ABCG5: variants seen among roughly 807,000 people sequenced by gnomAD.
ABCG5 encodes the protein ATP binding cassette subfamily G member 5.
ABCG5 carries 64 observed loss-of-function variants against 64.5 expected under a neutral mutation model. That is an observed-to-expected ratio of 0.99 (90% CI 0.81 to 1.22). The LOEUF is 1.22. ABCG5 is among the 50% of genes most tolerant of loss of function. The pLI is 0.00. For synonymous variants in ABCG5, 385 were observed against 326.3 expected (o/e 1.18, Z -1.94); for missense variants, 908 against 829.5 (o/e 1.09, Z -1.16).
intron 11 of ABCG5, among the ~76,000 whole-genome samples, chr2:43,818,898 A>C (rs1167340481): frequency 6.6e-6 from 1 of 152,162 alleles, no homozygotes; most frequent in Non-Finnish European, 1.5e-5. Flanking sequence ...TGAGGAAACT[A>C]ATTTAGATAG....
At chr2:43,826,148 C>G (rs999391738) in intron 6 of ABCG5, among the ~76,000 whole-genome samples, 11 of 151,386 alleles carry the variant, frequency 7.3e-5, no homozygotes, top group African/African-American at 2.4e-4. Context: ...GCTAATTTTT[C>G]TTTTTCTTTC....
chr2:43,813,741 A>G (rs1572737333), intron 12 of ABCG5, among the ~76,000 whole-genome samples: 2 of 84,202 alleles, frequency 2.4e-5, no homozygotes, highest in South Asian at 3.7e-4. Context: ...TTTTTGAGAC[A>G]CAGTTTCACT....
At chr2:43,818,852 C>G (rs1667013618) in intron 11 of ABCG5, among the ~76,000 whole-genome samples, 1 of 152,112 alleles carries the variant, frequency 6.6e-6, no homozygotes, top group Non-Finnish European at 1.5e-5. Flanking sequence ...TCCCTTGAGG[C>G]AGGTGGGGCT....
intron 2 of ABCG5, among the ~76,000 whole-genome samples, chr2:43,834,516 T>C (rs768662164): frequency 2.0e-5 from 3 of 152,220 alleles, no homozygotes; most frequent in Non-Finnish European, 4.4e-5. Context: ...CTTTTTTTTT[T>C]ATAATAATGA....
chr2:43,832,214 T>A, intron 2 of ABCG5, 131 bp from the exon 3 acceptor site: 1 of 1,299,860 alleles, frequency 7.7e-7, no homozygotes, highest in Non-Finnish European at 1.1e-6. Context: ...TTCTAGGTGT[T>A]AAGGACACAG....
At chr2:43,809,266 A>G (rs987429161), downstream of ABCG5, among the ~76,000 whole-genome samples, 1 of 152,152 alleles carries the variant, frequency 6.6e-6, no homozygotes, top group Non-Finnish European at 1.5e-5. Context: ...TGCTGGGACT[A>G]TAGGAATGAG....
At chr2:43,820,210 T>C in intron 10 of ABCG5, 110 bp from the exon 11 acceptor site, 1 of 1,330,770 alleles carries the variant, frequency 7.5e-7, no homozygotes, top group Non-Finnish European at 1.1e-6. Context: ...GGGAGAAGTT[T>C]GCAGGGCAAG....
Position 43,812,777 on chromosome 2 carries a change from T to G in ABCG5, c.*339A>C, listed in dbSNP as rs1487474986. On this transcript the variant is annotated 3_prime_UTR_variant, in exon 13 of 13. Transcript: ENST00000405322. Reference sequence around the variant, plus strand: ...ATCCTTTATCCAATGTAAACATATTTTTAAGCTGACCTATTTTTTTCTGTG... The same window carrying G: ...ATCCTTTATCCAATGTAAACATATTGTTAAGCTGACCTATTTTTTTCTGTG... 1 of 265,584 alleles carries G rather than the reference T, an allele frequency of 3.8e-6. No homozygotes were observed. The highest frequency in any genetic ancestry group is 7.3e-6 in the Non-Finnish European group (1 of 137,808). 16.5% of individuals were successfully genotyped at this position (265,584 alleles called of 1,614,324 possible).
intron 2 of ABCG5, among the ~76,000 whole-genome samples, chr2:43,836,776 G>A (rs1230730070): frequency 1.3e-5 from 2 of 152,110 alleles, no homozygotes; most frequent in Non-Finnish European, 2.9e-5. Context: ...TGTGGAGAAC[G>A]GGCAGTGGAT....
chr2:43,824,249 C>G lies in ABCG5; in HGVS notation c.1088G>C (p.Gly363Ala). 1 of 1,614,178 alleles carries G rather than the reference C, an allele frequency of 6.2e-7. No individual in the cohort carries two copies. The highest frequency in any genetic ancestry group is 8.5e-7 in the Non-Finnish European group (1 of 1,180,046). ...GAGAACACCCAGTTTAGAGAAAACT[C>G]CAGGAGAATCTTTGGTTTTGAAAGG... ...MVPFKTKDSP[G>A]VFSKLGVLLR... Residue 363 changes from glycine (G) to alanine (A), a missense_variant, in exon 8 of 13, where the codon GGA becomes GCA. Gly to Ala is a moderately conservative substitution (Grantham distance 60, BLOSUM62 0). Coordinates refer to ENST00000405322, the MANE Select transcript of ABCG5 (RefSeq NM_022436.3).
At chr2:43,824,835 A>T in intron 7 of ABCG5, 54 bp downstream of exon 7, 3 of 1,603,560 alleles carry the variant, frequency 1.9e-6, no homozygotes, top group South Asian at 2.2e-5. Context: ...CAGAAGTCTG[A>T]GATGAGAAAG....
At chr2:43,813,386 T>G (rs1666587644) in intron 12 of ABCG5, 77 bp from the exon 13 acceptor site, 2 of 1,012,160 alleles carry the variant, frequency 2.0e-6, no homozygotes, top group East Asian at 2.5e-5. Flanking sequence ...ACCAAGCGCT[T>G]GCTAAGTACC....
intron 2 of ABCG5, among the ~76,000 whole-genome samples, chr2:43,836,848 G>C (rs997808855): frequency 6.6e-6 from 1 of 152,098 alleles, no homozygotes; most frequent in Non-Finnish European, 1.5e-5. Flanking sequence ...GGGAAACATA[G>C]CAAGAACGCT....
chr2:43,817,024 T>C (rs1572746807), intron 11 of ABCG5, among the ~76,000 whole-genome samples: 2 of 152,290 alleles, frequency 1.3e-5, no homozygotes, highest in Non-Finnish European at 2.9e-5. Flanking sequence ...AGATGATGAC[T>C]GGGGAGAAAA....
intron 5 of ABCG5, among the ~76,000 whole-genome samples, chr2:43,826,935 C>G (rs1380047604): frequency 6.6e-6 from 1 of 152,134 alleles, no homozygotes; most frequent in Non-Finnish European, 1.5e-5. Context: ...GGTCTTTGCA[C>G]AGAAAAGAAA....
rs761349099 is a variant in ABCG5 at position 43,814,441 on chromosome 2, A to G, written c.1762+36T>C. On this transcript the variant is annotated intron_variant, in intron 12 of 12. Transcript: ENST00000405322. ...TCCAAGAAATTGCTTCCTCAGAGTAACATGCAAAAATAATATCCCCAAATA... is the reference window on the plus strand; with the variant it reads ...TCCAAGAAATTGCTTCCTCAGAGTAGCATGCAAAAATAATATCCCCAAATA... 2.2e-6 allele frequency: 3 copies of G among 1,369,074 alleles called. No homozygotes were observed. The Admixed American group carries it at 5.0e-5, about 23-fold the overall frequency. 84.8% of individuals were successfully genotyped at this position (1,369,074 alleles called of 1,614,324 possible). A position where few individuals can be genotyped will look rare whatever the true frequency, so the allele number is the denominator to read the frequency against.
rs527775338 is a variant in ABCG5 at position 43,821,686 on chromosome 2, C to T, written c.1463+1111G>A. On this transcript the variant is annotated intron_variant, in intron 10 of 12. Coordinates refer to ENST00000405322, the MANE Select transcript of ABCG5 (RefSeq NM_022436.3). ...CACTTTGCCTCAGCTGGCCCCTGGA[C>T]CCCTAAGATTTCCTTGTTGTGTCTT... Among the ~76,000 whole-genome samples the T allele has an allele frequency of 2.6e-5, 4 of 152,234 alleles. No homozygotes were observed. In the South Asian group the frequency reaches 8.3e-4, roughly 32 times the overall value.
chr2:43,837,460 A>C (rs1425960015), intron 2 of ABCG5, among the ~76,000 whole-genome samples: 2 of 152,206 alleles, frequency 1.3e-5, no homozygotes, highest in African/African-American at 4.8e-5. Context: ...ATATACCATC[A>C]TAAAAAAGCA....
downstream of ABCG5, chr2:43,812,380 C>T (rs1442396900): frequency 6.9e-6 from 1 of 145,404 alleles, no homozygotes; most frequent in Non-Finnish European, 1.5e-5. Context: ...GGTACATGTG[C>T]ACAATGTGCC....
Sources: gnomAD v4.1 joint callset for allele counts (sites outside exome capture counted in the v4.1 genomes callset) on GRCh38, gnomAD v4.1.1 for gene constraint, MANE v1.5 for transcripts, NCBI Gene and HGNC (gene_info 2026-07-23, HGNC 2026-07-21) for gene names.